Variants in ARMH4 observed in about 807,000 individuals in gnomAD.
ARMH4 encodes the protein armadillo like helical domain containing 4.
Under a neutral mutation model 61.9 loss-of-function variants are expected in ARMH4, and 49 were observed. The ratio of observed to expected loss-of-function variants is 0.79; its 90% confidence interval spans 0.63 to 1.00. The LOEUF is 1.00. Ranked by LOEUF, ARMH4 falls within the 50% of genes least tolerant of loss-of-function variation. The pLI is 0.00. For missense variants in ARMH4, 934 were observed against 930.0 expected (o/e 1.00, Z -0.06); for synonymous variants, 368 against 341.5 (o/e 1.08, Z -0.85).
At chr14:58,110,950 T>C (rs1000776458) in intron 4 of ARMH4, among the ~76,000 whole-genome samples, 3 of 152,108 alleles carry the variant, frequency 2.0e-5, no homozygotes, top group Admixed American at 6.5e-5. Flanking sequence ...GACGGGGTTT[T>C]ACCATATTGG....
At chr14:58,057,232 CT>C (rs1884374612) in intron 5 of ARMH4, among the ~76,000 whole-genome samples, 2 of 152,200 alleles carry the variant, frequency 1.3e-5, no homozygotes, top group African/African-American at 2.4e-5. Flanking sequence ...AAGTATGATG[CT>C]TTCCTATTTA....
At chr14:58,087,110 TTAAATCTC>T (rs376273148) in intron 5 of ARMH4, among the ~76,000 whole-genome samples, 181 of 152,376 alleles carry the variant, frequency 1.2e-3, no homozygotes, top group African/African-American at 4.2e-3. Flanking sequence ...ATTTCCTGAT[TTAAATCTC>T]TGATTCCTTG....
chr14:58,068,939 G>A (rs1216759067), intron 5 of ARMH4, among the ~76,000 whole-genome samples: 7 of 151,230 alleles, frequency 4.6e-5, no homozygotes, highest in Non-Finnish European at 8.8e-5. Flanking sequence ...CCCAGGAGAC[G>A]GAGGTTGCAG....
intron 5 of ARMH4, among the ~76,000 whole-genome samples, chr14:58,076,891 C>G (rs891045287): frequency 6.6e-6 from 1 of 152,134 alleles, no homozygotes; most frequent in Non-Finnish European, 1.5e-5. Flanking sequence ...ATAGTTGAAC[C>G]CAGACTCGGG....
At chr14:58,021,897 A>G (rs1188724897) in intron 5 of ARMH4, among the ~76,000 whole-genome samples, 2 of 152,204 alleles carry the variant, frequency 1.3e-5, no homozygotes, top group African/African-American at 4.8e-5. Flanking sequence ...CAGAGAAGGT[A>G]TCACCCTAGG....
chr14:58,070,969 T>C (rs1233845336), intron 5 of ARMH4, among the ~76,000 whole-genome samples: 1 of 152,104 alleles, frequency 6.6e-6, no homozygotes, highest in East Asian at 1.9e-4. Flanking sequence ...ATGTGATGTT[T>C]GTCTTTCTGT....
At chr14:58,085,600 G>T (rs1885353518) in intron 5 of ARMH4, among the ~76,000 whole-genome samples, 1 of 152,104 alleles carries the variant, frequency 6.6e-6, no homozygotes, top group South Asian at 2.1e-4. Flanking sequence ...CATAAGAAAT[G>T]CATTTGTAAT....
chr14:58,139,458 T>G (rs1317800854), intron 1 of ARMH4, 44 bp from the exon 2 acceptor site: 8 of 1,087,392 alleles, frequency 7.4e-6, no homozygotes, highest in Non-Finnish European at 1.1e-5. Context: ...TAAATACATG[T>G]TGTAAATAAG....
At chr14:58,131,758 TA>T in intron 3 of ARMH4, 37 bp from the exon 4 acceptor site, 1 of 1,576,832 alleles carries the variant, frequency 6.3e-7, no homozygotes. Flanking sequence ...ACCCACAAGA[TA>T]ATCATTATGG....
At chr14:58,117,305 CA>C (rs1225612358) in intron 4 of ARMH4, among the ~76,000 whole-genome samples, 2 of 152,162 alleles carry the variant, frequency 1.3e-5, no homozygotes, top group Admixed American at 1.3e-4. Flanking sequence ...GCTAATTAGA[CA>C]CCTTAAAGGA....
intron 5 of ARMH4, among the ~76,000 whole-genome samples, chr14:58,013,464 C>T (rs1882488891): frequency 1.3e-5 from 2 of 152,060 alleles, no homozygotes; most frequent in Admixed American, 6.6e-5. Context: ...ACATATGGGC[C>T]ATGGACTACA....
intron 4 of ARMH4, among the ~76,000 whole-genome samples, chr14:58,105,614 G>T (rs573277779): frequency 1.1e-4 from 17 of 151,962 alleles, no homozygotes; most frequent in Non-Finnish European, 1.0e-4. Flanking sequence ...TTGAACCCAG[G>T]GGGCAGAGGT....
At position 58,047,455 on chromosome 14, in the gene ARMH4, T is replaced by G. The variant is rs544976836; in HGVS notation, c.2090-35305A>C. ...TAGCAGACACACTGTTCTAAGCCCT[T>G]TACATAGAGTAATTTTTTACTCTTC... On this transcript the variant is annotated intron_variant, in intron 5 of 7. Coordinates refer to ENST00000267485, the MANE Select transcript of ARMH4 (RefSeq NM_001001872.4). Among the ~76,000 whole-genome samples the G allele has an allele frequency of 2.6e-5, 4 of 152,288 alleles. No individual in the cohort carries two copies. In the South Asian group the frequency reaches 8.3e-4, roughly 32 times the overall value.
chr14:58,095,365 C>G (rs955861564), intron 5 of ARMH4, among the ~76,000 whole-genome samples: 1 of 151,724 alleles, frequency 6.6e-6, no homozygotes, highest in Admixed American at 6.6e-5. Flanking sequence ...TTAACCTGTT[C>G]GGTATAAATT....
At chr14:58,103,479 G>A (rs1167953832) in intron 4 of ARMH4, among the ~76,000 whole-genome samples, 2 of 151,836 alleles carry the variant, frequency 1.3e-5, no homozygotes, top group African/African-American at 2.4e-5. Context: ...CCAGAACGAT[G>A]AGGAAATAAA....
In ARMH4 at chr14:58,096,729, C is replaced by T. The variant is rs865966547; in HGVS notation, c.2084G>A (p.Gly695Asp). Reference sequence around the variant, plus strand: ...GAAATACACATGACTCTTACCCAGGCCTTGATTCTGCTGTTCCCACTCGAG... The same window carrying T: ...GAAATACACATGACTCTTACCCAGGTCTTGATTCTGCTGTTCCCACTCGAG... Reference protein sequence around the residue: ...DALEWEQQNQGLVRSWMEKLK... With the variant: ...DALEWEQQNQDLVRSWMEKLK... The change falls in exon 5 of 8, where the codon GGC becomes GAC. Residue 695 changes from glycine to aspartate, a missense_variant. Gly to Asp is a moderately conservative substitution (Grantham distance 94). Coordinates refer to ENST00000267485, the MANE Select transcript of ARMH4 (RefSeq NM_001001872.4). The T allele has an allele frequency of 1.2e-6, 2 of 1,613,790 alleles. No individual in the cohort carries two copies. The highest frequency in any genetic ancestry group is 1.7e-5 in the Admixed American group (1 of 59,970).
intron 2 of ARMH4, 44 bp from the exon 3 acceptor site, chr14:58,133,385 T>A: frequency 6.6e-7 from 1 of 1,520,404 alleles, no homozygotes; most frequent in Non-Finnish European, 8.8e-7. Flanking sequence ...AATCCCTATT[T>A]TTTTAAAAAA....
At chr14:58,096,692 G>T in intron 5 of ARMH4, 32 bp downstream of exon 5, 1 of 1,594,132 alleles carries the variant, frequency 6.3e-7, no homozygotes. Context: ...GAGGGGAGAA[G>T]GGAGGAAAAG....
intron 5 of ARMH4, among the ~76,000 whole-genome samples, chr14:58,028,229 A>G (rs1232020141): frequency 1.3e-5 from 2 of 152,250 alleles, no homozygotes; most frequent in South Asian, 4.2e-4. Flanking sequence ...TGTGATCTGT[A>G]ATTTTTCAGG....
Sources: allele counts gnomAD v4.1 joint callset (sites outside exome capture counted in the v4.1 genomes callset), GRCh38; gene constraint gnomAD v4.1.1; transcripts MANE v1.5; gene names NCBI Gene and HGNC (gene_info 2026-07-23, HGNC 2026-07-21).